PCDH15: variants seen among roughly 807,000 people sequenced by gnomAD.
The protein encoded by PCDH15 is protocadherin-15.
Under a neutral mutation model 178.5 loss-of-function variants are expected in PCDH15, and 129 were observed. The ratio of observed to expected loss-of-function variants is 0.72; its 90% CI spans 0.63 to 0.84. The LOEUF (loss-of-function observed/expected upper bound fraction) is 0.84, where lower values mean the gene tolerates loss of function less well. Ranked by LOEUF, PCDH15 falls within the 40% of genes least tolerant of loss-of-function variation. The pLI is 0.00. For synonymous variants in PCDH15, 800 were observed against 732.0 expected (o/e 1.09, Z -1.50); for missense variants, 2,230 against 2,099.9 (o/e 1.06, Z -1.21).
intron 25 of PCDH15, among the ~76,000 whole-genome samples, chr10:53,915,362 G>A (rs2083446120): frequency 6.6e-6 from 1 of 152,128 alleles, no homozygotes; most frequent in South Asian, 2.1e-4. Flanking sequence ...ATTTTCAGTG[G>A]CTAGGCAGAA....
chr10:54,367,477 T>A (rs1429730801), intron 5 of PCDH15, among the ~76,000 whole-genome samples: 1 of 152,120 alleles, frequency 6.6e-6, no homozygotes. Context: ...GAAAGAAGGA[T>A]GAACTATGAA....
At chr10:54,278,557 A>G (rs1354391454) in intron 8 of PCDH15, among the ~76,000 whole-genome samples, 1 of 151,564 alleles carries the variant, frequency 6.6e-6, no homozygotes, top group Non-Finnish European at 1.5e-5. Flanking sequence ...CCAAGAGATC[A>G]TGGTCCTGAA....
rs80200263 is a variant in PCDH15, at chr10:55,402,927, C to T, written c.-156+224698G>A. On this transcript the variant is annotated intron_variant, in intron 2 of 5. Transcript: ENST00000613346. ...GTTTTCCATTATGGTAGTACTGATT[C>T]ACATTCCCCTCAACAGTATATGAGA... Among the ~76,000 whole-genome samples the T allele has an allele frequency of 7.9e-3, 1,206 of 151,976 alleles. 15 individuals are homozygous for T. Among genetic ancestry groups the T allele is most frequent in the African/African-American group, 0.026 (1,084 of 41,520 alleles).
In PCDH15 at chr10:53,827,557, A is replaced by T; in HGVS notation, c.4212-9T>A. On this transcript the variant is annotated splice_polypyrimidine_tract_variant and intron_variant, in intron 31 of 37. Transcript: ENST00000644397. ...TACACTCAGCTTGACGTCTTGGATAAAGTAAGGATGGCTTGTAAAACTCAT... is the reference window on the plus strand; with the variant it reads ...TACACTCAGCTTGACGTCTTGGATATAGTAAGGATGGCTTGTAAAACTCAT... 1 of 1,614,120 alleles carries T rather than the reference A, an allele frequency of 6.2e-7. No homozygotes were observed. Among genetic ancestry groups the T allele is most frequent in the Non-Finnish European group, 8.5e-7 (1 of 1,179,952 alleles).
intron 2 of PCDH15, among the ~76,000 whole-genome samples, chr10:55,365,169 T>C (rs1845324671): frequency 6.6e-6 from 1 of 152,152 alleles, no homozygotes; most frequent in African/African-American, 2.4e-5. Context: ...TCTTTGTAAG[T>C]TGTGTTAGCC....
chr10:54,194,860 A>C (rs907092293), intron 11 of PCDH15, among the ~76,000 whole-genome samples: 3 of 152,142 alleles, frequency 2.0e-5, no homozygotes, highest in Admixed American at 6.5e-5. Flanking sequence ...AAAACTTAAA[A>C]GACAGGCACT....
intron 2 of PCDH15, among the ~76,000 whole-genome samples, chr10:55,069,575 G>A (rs1476562034): frequency 2.9e-5 from 4 of 140,302 alleles, no homozygotes; most frequent in African/African-American, 5.3e-5. Flanking sequence ...ATGATTTCCA[G>A]TTTCATCCAT....
At chr10:55,155,009 C>T (rs1438337625) in intron 2 of PCDH15, among the ~76,000 whole-genome samples, 1 of 152,072 alleles carries the variant, frequency 6.6e-6, no homozygotes, top group Non-Finnish European at 1.5e-5. Context: ...TTAGTTCTTG[C>T]AACCATCACA....
At chr10:54,369,745 T>C (rs1589076361) in intron 4 of PCDH15, among the ~76,000 whole-genome samples, 1 of 152,086 alleles carries the variant, frequency 6.6e-6, no homozygotes, top group East Asian at 1.9e-4. Flanking sequence ...AAAGAGAAAA[T>C]CCAAAAGCCA....
intron 2 of PCDH15, among the ~76,000 whole-genome samples, chr10:55,472,995 T>C (rs1236060099): frequency 6.6e-6 from 1 of 152,188 alleles, no homozygotes; most frequent in African/African-American, 2.4e-5. Flanking sequence ...TGTACCCTGC[T>C]AATAATTTTG....
chr10:54,990,207 T>G (rs2131915884), intron 2 of PCDH15, among the ~76,000 whole-genome samples: 1 of 152,346 alleles, frequency 6.6e-6, no homozygotes, highest in Non-Finnish European at 1.5e-5. Flanking sequence ...GAAAATTGGC[T>G]TACTGAAGGC....
intron 37 of PCDH15, among the ~76,000 whole-genome samples, chr10:53,809,705 T>C (rs1324185403): frequency 1.3e-5 from 2 of 152,202 alleles, no homozygotes; most frequent in African/African-American, 4.8e-5. Flanking sequence ...CTACTGCATA[T>C]AGACAGAAGG....
chr10:54,728,103 C>A (rs1942833783), intron 1 of PCDH15, among the ~76,000 whole-genome samples: 1 of 151,456 alleles, frequency 6.6e-6, no homozygotes. Flanking sequence ...TATTCTGATA[C>A]CAAAACCTGG....
intron 13 of PCDH15, among the ~76,000 whole-genome samples, chr10:54,157,501 G>A (rs1233836601): frequency 6.6e-6 from 1 of 152,130 alleles, no homozygotes; most frequent in Non-Finnish European, 1.5e-5. Flanking sequence ...CACAGAACAG[G>A]GACCCTGGGC....
intron 3 of PCDH15, among the ~76,000 whole-genome samples, chr10:54,423,594 C>CA (rs1384861566): frequency 1.3e-5 from 2 of 151,556 alleles, no homozygotes; most frequent in Admixed American, 6.6e-5. Flanking sequence ...AATCCGAAGC[C>CA]AAAAAAAGTG....
chr10:53,835,829 G>C (rs2077273009), intron 29 of PCDH15, among the ~76,000 whole-genome samples: 1 of 152,128 alleles, frequency 6.6e-6, no homozygotes, highest in Non-Finnish European at 1.5e-5. Flanking sequence ...AAACACAAGG[G>C]GAGTCTCCCC....
intron 2 of PCDH15, among the ~76,000 whole-genome samples, chr10:54,919,596 T>C (rs571022160): frequency 6.6e-6 from 1 of 152,278 alleles, no homozygotes; most frequent in African/African-American, 2.4e-5. Flanking sequence ...CAGTTCTCTA[T>C]TTAATTTTTG....
intron 2 of PCDH15, among the ~76,000 whole-genome samples, chr10:55,056,612 T>C (rs1426066058): frequency 1.6e-5 from 1 of 63,978 alleles, no homozygotes; most frequent in Non-Finnish European, 2.9e-5. Flanking sequence ...TATTTTGTTT[T>C]ATTATTATTA....
chr10:55,528,207 T>C (rs542423522), intron 2 of PCDH15, among the ~76,000 whole-genome samples: 2 of 151,538 alleles, frequency 1.3e-5, no homozygotes, highest in African/African-American at 2.4e-5. Context: ...CAGCTAATTT[T>C]TTATTTTATT....
Sources: allele counts gnomAD v4.1 joint callset (sites outside exome capture counted in the v4.1 genomes callset), GRCh38; gene constraint gnomAD v4.1.1; transcripts MANE v1.5; gene names NCBI Gene and HGNC (gene_info 2026-07-23, HGNC 2026-07-21).